CSMD1: variants seen among roughly 807,000 people sequenced by gnomAD.
CSMD1 encodes the protein CUB and sushi domain-containing protein 1.
CSMD1 carries 213 observed loss-of-function variants against 417.5 expected under a neutral mutation model. The observed-to-expected ratio is 0.51, with a 90% confidence interval of 0.46 to 0.57. The LOEUF (loss-of-function observed/expected upper bound fraction) is 0.57, where lower values mean the gene tolerates loss of function less well. Among genes scored for constraint, CSMD1 ranks in the 20% least tolerant of loss-of-function variants. The pLI is 0.00. For synonymous variants in CSMD1, 2,862 were observed against 1,736.8 expected (o/e 1.65, Z -16.11); for missense variants, 6,923 against 4,529.7 (o/e 1.53, Z -15.17).
Position 3,230,061 on chromosome 8 carries a change from G to A in CSMD1, c.4324C>T (p.Pro1442Ser). ...VQLNNRFFWQPDPPTCIAACG... is the reference protein window; with the variant it reads ...VQLNNRFFWQSDPPTCIAACG... ...ATACCTATGCATGTAGGAGGGTCTGGTTGCCAAAAGAACCGGTTATTCAGC... is the reference window on the plus strand; with the variant it reads ...ATACCTATGCATGTAGGAGGGTCTGATTGCCAAAAGAACCGGTTATTCAGC... The change falls in exon 27 of 70, where the codon CCA (proline) becomes TCA (serine). Residue 1442 changes from proline to serine, a missense_variant. By Grantham distance (74) the Pro-to-Ser change is moderately conservative (BLOSUM62 -1). Transcript: ENST00000635120. The A allele has an allele frequency of 1.2e-6, 2 of 1,607,314 alleles. No homozygotes were observed. The highest frequency in any genetic ancestry group is 2.2e-5 in the South Asian group (2 of 90,278).
chr8:4,689,602 TC>T (rs1440275150), intron 1 of CSMD1, among the ~76,000 whole-genome samples: 1 of 152,202 alleles, frequency 6.6e-6, no homozygotes, highest in Non-Finnish European at 1.5e-5. Context: ...TTCAGTAAGA[TC>T]TTTTCTAGTT....
intron 8 of CSMD1, among the ~76,000 whole-genome samples, chr8:3,609,529 G>C (rs375496347): frequency 2.0e-5 from 3 of 152,028 alleles, no homozygotes; most frequent in South Asian, 2.1e-4. Context: ...CTACGGAAAA[G>C]GGATTTCTCA....
At chr8:4,538,182 G>A (rs1353271785) in intron 2 of CSMD1, among the ~76,000 whole-genome samples, 1 of 132,204 alleles carries the variant, frequency 7.6e-6, no homozygotes, top group Non-Finnish European at 1.6e-5. Flanking sequence ...TGCAACTGGA[G>A]GTGGCTACAT....
At chr8:4,532,679 G>A (rs1228487698) in intron 2 of CSMD1, among the ~76,000 whole-genome samples, 1 of 126,438 alleles carries the variant, frequency 7.9e-6, no homozygotes, top group Non-Finnish European at 1.6e-5. Context: ...GAGAAATCCT[G>A]CACCCCCATT....
At chr8:4,299,150 G>A (rs772569195) in intron 3 of CSMD1, among the ~76,000 whole-genome samples, 1 of 152,076 alleles carries the variant, frequency 6.6e-6, no homozygotes, top group Non-Finnish European at 1.5e-5. Context: ...AACAGATCGT[G>A]CTTTTCTTCA....
intron 10 of CSMD1, among the ~76,000 whole-genome samples, chr8:3,538,169 A>G (rs1441898122): frequency 1.3e-5 from 2 of 152,262 alleles, no homozygotes; most frequent in African/African-American, 4.8e-5. Context: ...GAAAAATTAC[A>G]TGACGGATCA....
At chr8:3,866,009 G>A (rs965650995) in intron 5 of CSMD1, among the ~76,000 whole-genome samples, 4 of 152,122 alleles carry the variant, frequency 2.6e-5, no homozygotes, top group Admixed American at 2.0e-4. Context: ...TCATGTTAGT[G>A]AGATAAATCG....
intron 2 of CSMD1, among the ~76,000 whole-genome samples, chr8:4,546,696 A>G (rs1036784980): frequency 1.8e-4 from 27 of 152,188 alleles, no homozygotes; most frequent in Non-Finnish European, 1.5e-5. Flanking sequence ...GCAGATCATG[A>G]GACGTCTCCG....
At chr8:4,603,382 C>T (rs1428635954) in intron 2 of CSMD1, among the ~76,000 whole-genome samples, 1 of 151,688 alleles carries the variant, frequency 6.6e-6, no homozygotes, top group African/African-American at 2.4e-5. Flanking sequence ...TATATTAAAC[C>T]CACTTAAAAA....
intron 1 of CSMD1, among the ~76,000 whole-genome samples, chr8:4,716,543 A>G (rs897379845): frequency 1.3e-5 from 2 of 152,236 alleles, no homozygotes; most frequent in African/African-American, 4.8e-5. Flanking sequence ...CTTTTAATTG[A>G]CAGATAAATT....
At chr8:3,138,298 T>C (rs576181355) in intron 41 of CSMD1, among the ~76,000 whole-genome samples, 3 of 152,260 alleles carry the variant, frequency 2.0e-5, no homozygotes, top group African/African-American at 4.8e-5. Context: ...CAGGTTGGGA[T>C]GGCAGGGAAC....
chr8:4,637,091 G>T (rs149870863), intron 2 of CSMD1, among the ~76,000 whole-genome samples: 1 of 152,088 alleles, frequency 6.6e-6, no homozygotes, highest in Non-Finnish European at 1.5e-5. Context: ...CTCCCTTGCT[G>T]TGCTGTGGAA....
intron 2 of CSMD1, among the ~76,000 whole-genome samples, chr8:4,571,572 C>A (rs9987217): frequency 0.4 from 61,443 of 151,756 alleles, 13,075 homozygotes; most frequent in East Asian, 0.53. Flanking sequence ...TTATGTGGTC[C>A]ATTTTAGAAT....
intron 1 of CSMD1, among the ~76,000 whole-genome samples, chr8:4,959,467 C>T (rs969747962): frequency 8.5e-5 from 13 of 152,190 alleles, no homozygotes; most frequent in African/African-American, 1.4e-4. Flanking sequence ...AGAGAGGCAA[C>T]GCCCTCAGGA....
intron 47 of CSMD1, among the ~76,000 whole-genome samples, chr8:3,093,021 C>T (rs1470738596): frequency 6.6e-6 from 1 of 152,090 alleles, no homozygotes; most frequent in Non-Finnish European, 1.5e-5. Context: ...GTGTAACTCC[C>T]AATCAGAGCA....
intron 11 of CSMD1, among the ~76,000 whole-genome samples, chr8:3,472,842 T>C (rs1186999221): frequency 6.6e-6 from 1 of 152,090 alleles, no homozygotes; most frequent in Non-Finnish European, 1.5e-5. Context: ...GTTTTTTTTT[T>C]ATTCTTTTCA....
At chr8:4,423,095 T>C (rs1399712580) in intron 2 of CSMD1, among the ~76,000 whole-genome samples, 1 of 152,072 alleles carries the variant, frequency 6.6e-6, no homozygotes, top group African/African-American at 2.4e-5. Flanking sequence ...AACATTTTGC[T>C]TAGTGGTTGA....
chr8:2,946,234 C>G (rs1452246416), intron 68 of CSMD1, among the ~76,000 whole-genome samples: 1 of 152,170 alleles, frequency 6.6e-6, no homozygotes, highest in Non-Finnish European at 1.5e-5. Context: ...TTATGCGATG[C>G]GTGACTGTCC....
At chr8:3,638,365 G>C (rs986245357) in intron 7 of CSMD1, among the ~76,000 whole-genome samples, 4 of 152,078 alleles carry the variant, frequency 2.6e-5, no homozygotes, top group South Asian at 2.1e-4. Flanking sequence ...TGTCCCAAGA[G>C]GCTGTAGCCA....
Sources: allele counts gnomAD v4.1 joint callset (sites outside exome capture counted in the v4.1 genomes callset), GRCh38; gene constraint gnomAD v4.1.1; transcripts MANE v1.5; gene names NCBI Gene and HGNC (gene_info 2026-07-23, HGNC 2026-07-21).